MICU3: variants seen among roughly 807,000 people sequenced by gnomAD.
MICU3 encodes the protein mitochondrial calcium uptake 3.
Under a neutral mutation model 66.5 loss-of-function variants are expected in MICU3, and 62 were observed. That is an observed-to-expected ratio of 0.93 (90% CI 0.76 to 1.15). The LOEUF is 1.15. Ranked by LOEUF, MICU3 falls within the 50% of genes most tolerant of loss-of-function variation. The pLI is 0.00. For missense variants in MICU3, 779 were observed against 664.4 expected (o/e 1.17, Z -1.90); for synonymous variants, 308 against 240.7 (o/e 1.28, Z -2.59).
intron 8 of MICU3, among the ~76,000 whole-genome samples, chr8:17,096,806 A>G (rs1228057601): frequency 6.6e-6 from 1 of 151,908 alleles, no homozygotes; most frequent in Non-Finnish European, 1.5e-5. Flanking sequence ...CATTTTCAAA[A>G]TATTTTCAAA....
At chr8:17,043,476 T>G (rs148546197) in intron 1 of MICU3, among the ~76,000 whole-genome samples, 1 of 152,230 alleles carries the variant, frequency 6.6e-6, no homozygotes, top group Non-Finnish European at 1.5e-5. Context: ...ATTACTATCA[T>G]CAAGCTTAAA....
At chr8:17,136,727 C>A in the MICU3 span, among the ~76,000 whole-genome samples, 1 of 152,056 alleles carries the variant, frequency 6.6e-6, no homozygotes, top group East Asian at 1.9e-4. Context: ...GCATACGTGA[C>A]CCAGAAAGTC....
chr8:17,080,455 A>T (rs1261306056), intron 4 of MICU3, among the ~76,000 whole-genome samples: 3 of 152,164 alleles, frequency 2.0e-5, no homozygotes, highest in African/African-American at 7.2e-5. Flanking sequence ...GTATTCTACC[A>T]GGTCAACTAG....
chr8:17,061,436 G>T (rs550679231), intron 1 of MICU3, among the ~76,000 whole-genome samples: 46 of 152,264 alleles, frequency 3.0e-4, no homozygotes, highest in African/African-American at 1.0e-3. Context: ...TAAGCTGGGG[G>T]ATTGTTAGAC....
At chr8:17,056,581 C>T (rs1166345408) in intron 1 of MICU3, among the ~76,000 whole-genome samples, 1 of 152,094 alleles carries the variant, frequency 6.6e-6, no homozygotes, top group Non-Finnish European at 1.5e-5. Context: ...ATAATTGCAA[C>T]CTGGTGTGAC....
intron 12 of MICU3, among the ~76,000 whole-genome samples, chr8:17,114,546 A>G (rs1563398149): frequency 6.6e-6 from 1 of 152,208 alleles, no homozygotes; most frequent in Admixed American, 6.5e-5. Context: ...ATGGATTTAC[A>G]TTAACCAACT....
intron 1 of MICU3, among the ~76,000 whole-genome samples, chr8:17,052,368 C>A (rs1038689974): frequency 2.0e-5 from 3 of 152,036 alleles, no homozygotes; most frequent in East Asian, 3.9e-4. Flanking sequence ...CATTTCAAAT[C>A]TTCTCTTCTA....
chr8:17,124,114 C>G (rs374212199), downstream of MICU3, among the ~76,000 whole-genome samples: 1 of 152,122 alleles, frequency 6.6e-6, no homozygotes, highest in East Asian at 1.9e-4. Flanking sequence ...TATTTATTGA[C>G]TTCCTACAAT....
chr8:17,034,636 A>T (rs1812669298), intron 1 of MICU3, among the ~76,000 whole-genome samples: 1 of 152,214 alleles, frequency 6.6e-6, no homozygotes, highest in African/African-American at 2.4e-5. Flanking sequence ...TTCATGGATG[A>T]CCTCAAGGGA....
chr8:17,125,654 G>A (rs1803386838), downstream of MICU3, among the ~76,000 whole-genome samples: 1 of 152,284 alleles, frequency 6.6e-6, no homozygotes, highest in South Asian at 2.1e-4. Context: ...TTTGTTCAAA[G>A]TTGAGTGTGA....
intron 11 of MICU3, among the ~76,000 whole-genome samples, chr8:17,111,167 T>C (rs1233984584): frequency 6.6e-6 from 1 of 152,198 alleles, no homozygotes; most frequent in Non-Finnish European, 1.5e-5. Flanking sequence ...TTCAAGTCCT[T>C]TGCCCATTTT....
At chr8:17,099,990 A>T (rs1206623715) in intron 9 of MICU3, among the ~76,000 whole-genome samples, 2 of 151,792 alleles carry the variant, frequency 1.3e-5, no homozygotes, top group African/African-American at 4.8e-5. Context: ...GTTCCTGTGT[A>T]CTCAGAGAAT....
rs1340864309 is a variant in MICU3, at chr8:17,122,348, A to C, written c.*2061A>C. On this transcript the variant is annotated 3_prime_UTR_variant, in exon 15 of 15. Coordinates refer to ENST00000318063, the MANE Select transcript of MICU3 (RefSeq NM_181723.3). Reference sequence around the variant, plus strand: ...GAATTGTTACTTATATCAATTTAAAATTTGCTAGTGGTTTGAAAATAATAA... The same window carrying C: ...GAATTGTTACTTATATCAATTTAAACTTTGCTAGTGGTTTGAAAATAATAA... The C allele has an allele frequency of 6.6e-6, 1 of 151,870 alleles. No homozygotes were observed. The highest frequency in any genetic ancestry group is 2.4e-5 in the African/African-American group (1 of 41,454). 9.4% of individuals were successfully genotyped at this position (151,870 alleles called of 1,614,324 possible).
In MICU3 at chr8:17,039,667, T is replaced by C. The variant is rs888577136; in HGVS notation, c.381+12007T>C. ...ACTATTTTATAAGTGCTAAGTAATA[T>C]GTAGCTGTCCTCTTACAGATTGAAT... On this transcript the variant is annotated intron_variant, in intron 1 of 14. Coordinates refer to ENST00000318063, the MANE Select transcript of MICU3 (RefSeq NM_181723.3). 3.9e-5 allele frequency among the ~76,000 whole-genome samples: 6 copies of C among 152,296 alleles called. No individual in the cohort carries two copies. The East Asian group carries it at 7.7e-4, about 20-fold the overall frequency.
the MICU3 span, among the ~76,000 whole-genome samples, chr8:17,128,467 CT>C: frequency 6.6e-6 from 1 of 152,152 alleles, no homozygotes; most frequent in East Asian, 1.9e-4. Flanking sequence ...GTGAAATTAA[CT>C]TTGAAATTTC....
intron 1 of MICU3, among the ~76,000 whole-genome samples, chr8:17,045,238 T>C (rs1262509470): frequency 6.6e-6 from 1 of 152,194 alleles, no homozygotes; most frequent in Non-Finnish European, 1.5e-5. Context: ...GTAACTACCA[T>C]AGTCCTTGAT....
At chr8:17,133,460 G>A in the MICU3 span, among the ~76,000 whole-genome samples, 1 of 151,850 alleles carries the variant, frequency 6.6e-6, no homozygotes, top group African/African-American at 2.4e-5. Context: ...CCTATAAGTT[G>A]CACGTATTCT....
the MICU3 span, among the ~76,000 whole-genome samples, chr8:17,128,229 T>TACACACACACACACACAC: frequency 6.9e-6 from 1 of 144,546 alleles, no homozygotes; most frequent in African/African-American, 2.5e-5. Context: ...GAGATCAGTG[T>TACACACACACACACACAC]ACACACACAC....
chr8:17,136,527 G>T, the MICU3 span, among the ~76,000 whole-genome samples: 1 of 152,030 alleles, frequency 6.6e-6, no homozygotes, highest in African/African-American at 2.4e-5. Flanking sequence ...GGAAAATGGA[G>T]CTTGTGGAGG....
Sources: gnomAD v4.1 joint callset for allele counts (sites outside exome capture counted in the v4.1 genomes callset) on GRCh38, gnomAD v4.1.1 for gene constraint, MANE v1.5 for transcripts, NCBI Gene and HGNC (gene_info 2026-07-23, HGNC 2026-07-21) for gene names.